Variants in ABCA6 observed in about 807,000 individuals in gnomAD.
The protein encoded by ABCA6 is ATP-binding cassette sub-family A member 6.
A neutral mutation model predicts 191.2 loss-of-function variants in ABCA6; 164 were observed. That is an observed-to-expected ratio of 0.86 (90% CI 0.76 to 0.98). The LOEUF is 0.98. ABCA6 is among the 50% of genes least tolerant of loss of function. The probability of loss-of-function intolerance (pLI) is 0.00; values close to 1 mark genes in which losing one functional copy is unlikely to be tolerated. For synonymous variants in ABCA6, 636 were observed against 647.7 expected (o/e 0.98, Z 0.27); for missense variants, 1,958 against 1,894.1 (o/e 1.03, Z -0.63).
chr17:69,135,327 AATGGACTCCTTGTTTCTTG>A (rs2073931177), intron 4 of ABCA6: 1 of 152,598 alleles, frequency 6.6e-6, no homozygotes. Context: ...CTCCAGCCAT[AATGGACTCCTTGTTTCTTG>A]ACATTCTCCA....
Position 69,128,657 on chromosome 17 carries a change from T to C in ABCA6, c.1081A>G (p.Ile361Val). 1 of 1,613,266 alleles carries C rather than the reference T, an allele frequency of 6.2e-7. No homozygotes were observed. The highest frequency in any genetic ancestry group is 1.1e-5 in the South Asian group (1 of 90,978). The change falls in exon 8 of 39, where the codon ATT becomes GTT. Residue 361 changes from isoleucine to valine, a missense_variant. Coordinates refer to ENST00000284425, the MANE Select transcript of ABCA6 (RefSeq NM_080284.3). ...GTAGTAAAGGCAAAAGGGCTACAAA[T>C]ATTCAAAATCCACTCCAGAGATGAA... The part of the protein sequence containing the change: ...LPSSLEWILN[I>V]CSPFAFTTGM...
At position 69,088,149 on chromosome 17, in the gene ABCA6, G is replaced by A. The variant is rs1018739951; in HGVS notation, c.3698+18C>T. 2 of 1,591,596 alleles carry A rather than the reference G, an allele frequency of 1.3e-6. No homozygotes were observed. The highest frequency in any genetic ancestry group is 1.3e-5 in the African/African-American group (1 of 74,178). On this transcript the variant is annotated intron_variant, in intron 28 of 38. Transcript: ENST00000284425. ...GTTAAAATATGATATTAAGTATAAA[G>A]TTAAATTTCACCCCAACCTGAAAAC...
rs527591897 is a variant in ABCA6, at chr17:69,141,812, C to T, written c.-113G>A. On this transcript the variant is annotated 5_prime_UTR_variant, in exon 1 of 39. Transcript: ENST00000284425. ...ACCAGTTCTCTGTTTGTCTAGGTAA[C>T]GATTACAACTTCTTTATTGCTGCTT... 4 of 152,124 alleles carry T rather than the reference C, an allele frequency of 2.6e-5. No homozygotes were observed. The highest frequency in any genetic ancestry group is 4.1e-4 in the South Asian group (2 of 4,820). The allele number at this position is 152,124 out of a possible 1,614,324, so 9.4% of individuals were successfully genotyped here. A position where few individuals can be genotyped will look rare whatever the true frequency, so the allele number is the denominator to read the frequency against.
intron 22 of ABCA6, among the ~76,000 whole-genome samples, chr17:69,100,197 A>G (rs539010421): frequency 2.0e-5 from 3 of 152,268 alleles, no homozygotes; most frequent in East Asian, 1.9e-4. Flanking sequence ...CTGGAGCCCA[A>G]TGTAGGGGGT....
chr17:69,123,452 G>C (rs4603621), intron 9 of ABCA6, 45 bp from the exon 10 acceptor site: 901,496 of 1,331,302 alleles, frequency 0.68, 310,062 homozygotes, highest in Admixed American at 0.73. Context: ...AATAGTAAAA[G>C]AATGCGCAAA....
chr17:69,103,241 AAAC>A (rs766391503), intron 20 of ABCA6, among the ~76,000 whole-genome samples: 9 of 152,156 alleles, frequency 5.9e-5, no homozygotes, highest in South Asian at 4.1e-4. Context: ...GACTTTTGGT[AAAC>A]AACAACAACA....
rs1331510869 is a variant in ABCA6, at chr17:69,086,614, A to G, written c.3937+4T>C. On this transcript the variant is annotated splice_donor_region_variant and intron_variant, in intron 30 of 38. Transcript: ENST00000284425. The stretch of plus-strand genomic sequence containing the variant: ...GGTAAGTTTTAAAAGGGATTATTAC[A>G]GACCTTCTTGAACACAGAAAGAGAT... 3 of 1,596,590 alleles carry G rather than the reference A, an allele frequency of 1.9e-6. No homozygotes were observed. Among genetic ancestry groups the G allele is most frequent in the Middle Eastern group, 1.7e-4 (1 of 6,020 alleles).
intron 8 of ABCA6, among the ~76,000 whole-genome samples, chr17:69,128,344 A>G (rs923478219): frequency 1.3e-5 from 2 of 152,224 alleles, no homozygotes; most frequent in African/African-American, 4.8e-5. Flanking sequence ...GAATAGTAAT[A>G]AAAGTAAATA....
intron 20 of ABCA6, among the ~76,000 whole-genome samples, chr17:69,103,224 A>G (rs2073219861): frequency 6.6e-6 from 1 of 152,180 alleles, no homozygotes; most frequent in South Asian, 2.1e-4. Context: ...AGCTAATTCT[A>G]TTGTATGACT....
At position 69,123,364 on chromosome 17, in the gene ABCA6, T is replaced by C; in HGVS notation, c.1311A>G (p.Ser437=). The change falls in exon 10 of 39, where the codon TCA becomes TCG. Residue 437 remains serine, a synonymous_variant. Coordinates refer to ENST00000284425, the MANE Select transcript of ABCA6 (RefSeq NM_080284.3). ...TCCTTTGGTGTTGGAAACAAGATGA[T>C]GAATTCAAGAAAAATAAAGGAGAAT... is the stretch of plus-strand genomic sequence containing the variant. ...RHYSPLFFLN[S]SSCFQHQRTN... 1.3e-6 allele frequency: 2 copies of C among 1,542,118 alleles called. No homozygotes were observed. The highest frequency in any genetic ancestry group is 1.8e-6 in the Non-Finnish European group (2 of 1,136,536).
intron 12 of ABCA6, 147 bp from the exon 13 acceptor site, chr17:69,115,084 G>T (rs2073512015): frequency 1.5e-6 from 1 of 688,586 alleles, no homozygotes; most frequent in Non-Finnish European, 2.4e-6. Flanking sequence ...TATGCTTATA[G>T]AACTGCATAT....
chr17:69,127,114 T>C (rs2073768106), intron 8 of ABCA6, among the ~76,000 whole-genome samples: 1 of 152,162 alleles, frequency 6.6e-6, no homozygotes, highest in South Asian at 2.1e-4. Flanking sequence ...AAATTAATAT[T>C]GCCTCTACCT....
intron 23 of ABCA6, among the ~76,000 whole-genome samples, chr17:69,097,390 CA>C (rs11365217): frequency 0.18 from 14,252 of 78,056 alleles, 2,252 homozygotes; most frequent in African/African-American, 0.45. Context: ...GACTCCATCT[CA>C]AAAAAAAAAA....
intron 16 of ABCA6, 78 bp from the exon 17 acceptor site, chr17:69,111,018 T>G: frequency 7.3e-7 from 1 of 1,374,064 alleles, no homozygotes; most frequent in Non-Finnish European, 9.8e-7. Context: ...ATTGAACACC[T>G]AGCTGTTGAG....
chr17:69,114,124 T>C (rs1357387014), intron 13 of ABCA6, among the ~76,000 whole-genome samples: 2 of 152,148 alleles, frequency 1.3e-5, no homozygotes, highest in African/African-American at 4.8e-5. Flanking sequence ...CGTATGTTTA[T>C]TGTGGCACTA....
rs2072559552 is a variant in ABCA6 at position 69,078,996 on chromosome 17, G to C, written c.4831C>G (p.Leu1611Val). 3.7e-6 allele frequency: 6 copies of C among 1,611,286 alleles called. No individual in the cohort carries two copies. Among genetic ancestry groups the C allele is most frequent in the Non-Finnish European group, 2.5e-6 (3 of 1,179,056 alleles). The change falls in exon 39 of 39, where the codon CTC (leucine) becomes GTC (valine). Residue 1611 changes from leucine to valine, a missense_variant. Physicochemically the swap from Leu to Val is conservative, Grantham distance 32. Transcript: ENST00000284425. ...EIDTTMRWKL[L>V]PHSDEP ...TTTTAAGGTTCATCTGAATGAGGGA[G>C]GAGTTTCCATCTCATTGTTGTATCA...
rs1328325346 is a variant in ABCA6, at chr17:69,107,696, C to T, written c.2389G>A (p.Asp797Asn). Residue 797 changes from aspartate (D) to asparagine (N), a missense_variant and splice_region_variant, in exon 18 of 39, where the codon GAT (aspartate) becomes AAT (asparagine). Transcript: ENST00000284425. ...CTGTGAATTATACAAATGGCTTTAC[C>T]TTGTTCGATAGTTGACTGTCCTTCC... ...KLEGQSTIEQ[D>N]FEQVEMIRDS... is the part of the protein sequence containing the mutation. 1.2e-5 allele frequency: 19 copies of T among 1,585,246 alleles called. No homozygotes were observed. The highest frequency in any genetic ancestry group is 1.1e-4 in the East Asian group (5 of 44,612).
chr17:69,126,068 A>G (rs1438769385), intron 8 of ABCA6, among the ~76,000 whole-genome samples: 2 of 152,102 alleles, frequency 1.3e-5, no homozygotes, highest in African/African-American at 4.8e-5. Context: ...AGTAGGAAAA[A>G]GAAATAAAAA....
In ABCA6 at chr17:69,134,717, C is replaced by G; in HGVS notation, c.486G>C (p.Glu162Asp). ...AGTATTTGGTCAATGTACATGAAAA[C>G]TCACCATATCCATCCCAGCAATGAG... ...FSAHCWDGYG[E>D]FSCTLTKYWN... Residue 162 changes from glutamate (E) to aspartate (D), a missense_variant, in exon 5 of 39, where the codon GAG becomes GAC. Coordinates refer to ENST00000284425, the MANE Select transcript of ABCA6 (RefSeq NM_080284.3). 3.1e-6 allele frequency: 5 copies of G among 1,613,642 alleles called. No homozygotes were observed. Among genetic ancestry groups the G allele is most frequent in the Non-Finnish European group, 4.2e-6 (5 of 1,179,834 alleles).
Sources: allele counts gnomAD v4.1 joint callset (sites outside exome capture counted in the v4.1 genomes callset), GRCh38; gene constraint gnomAD v4.1.1; transcripts MANE v1.5; gene names NCBI Gene and HGNC (gene_info 2026-07-23, HGNC 2026-07-21).